The following OR56A3 variants were observed in gnomAD, a reference collection of about 807,000 sequenced individuals.
The protein encoded by OR56A3 is olfactory receptor 56A3.
Under a neutral mutation model 17.5 loss-of-function variants are expected in OR56A3, and 23 were observed. The observed-to-expected ratio is 1.32, with a 90% CI of 0.95 to 1.87. OR56A3 has a LOEUF of 1.87. Among genes scored for constraint, OR56A3 ranks in the 40% most tolerant of loss-of-function variants. The pLI, the probability that OR56A3 is intolerant of heterozygous loss-of-function variation, is 0.00. For missense variants in OR56A3, 366 were observed against 380.1 expected, an observed-to-expected ratio of 0.96 and a Z score of 0.31; for synonymous variants, 175 against 150.6, an observed-to-expected ratio of 1.16 and a Z score of -1.19.
the OR56A3 span, chr11:6,002,807 C>T: frequency 1.8e-5 from 29 of 1,613,528 alleles, no homozygotes; most frequent in East Asian, 5.8e-4. Context: ...GCAGGTAGTA[C>T]AGGGGCTGGT....
chr11:5,945,267 G>T (rs758538940), intron 2 of OR56A3, among the ~76,000 whole-genome samples, 185 bp downstream of exon 2: 1 of 152,026 alleles, frequency 6.6e-6, no homozygotes. Context: ...GGGCAAATAC[G>T]TATAATAGAG....
At chr11:5,975,112 A>G in the OR56A3 span, among the ~76,000 whole-genome samples, 1 of 152,232 alleles carries the variant, frequency 6.6e-6, no homozygotes, top group Non-Finnish European at 1.5e-5. Flanking sequence ...ATAAAGAGAG[A>G]GTCCAGATCA....
At chr11:5,992,497 GT>G in the OR56A3 span, among the ~76,000 whole-genome samples, 1 of 152,088 alleles carries the variant, frequency 6.6e-6, no homozygotes, top group Non-Finnish European at 1.5e-5. Context: ...TTGTTCTCCT[GT>G]ATGTTTCTCA....
At chr11:5,967,533 G>A in the OR56A3 span, 1 of 1,487,972 alleles carries the variant, frequency 6.7e-7, no homozygotes, top group Non-Finnish European at 9.1e-7. Context: ...TTCAAGGTCA[G>A]GTTGCATTCA....
chr11:6,000,047 C>T, the OR56A3 span: 2 of 152,130 alleles, frequency 1.3e-5, no homozygotes, highest in African/African-American at 4.8e-5. Context: ...TTGTGGAAGT[C>T]AGTGTGGAGA....
chr11:5,984,552 A>C, the OR56A3 span, among the ~76,000 whole-genome samples: 2 of 152,196 alleles, frequency 1.3e-5, no homozygotes, highest in African/African-American at 4.8e-5. Flanking sequence ...GTTACAATAG[A>C]TGTAATACAT....
the OR56A3 span, among the ~76,000 whole-genome samples, chr11:5,977,216 T>C: frequency 6.6e-6 from 1 of 152,222 alleles, no homozygotes; most frequent in African/African-American, 2.4e-5. Context: ...ATATATTCCT[T>C]TGGATATATA....
chr11:5,970,268 G>A, the OR56A3 span, among the ~76,000 whole-genome samples: 1 of 152,148 alleles, frequency 6.6e-6, no homozygotes, highest in Non-Finnish European at 1.5e-5. Flanking sequence ...GACAAAAAGA[G>A]CAAAAGAGGT....
At position 5,947,891 on chromosome 11, in the gene OR56A3, T is replaced by C. The variant is rs370134619; in HGVS notation, c.545T>C (p.Ile182Thr). The change falls in exon 3 of 3, where the codon ATC becomes ACC. Residue 182 changes from isoleucine (I) to threonine (T), a missense_variant. By Grantham distance (89) the Ile-to-Thr change is moderately conservative. Coordinates refer to ENST00000641160, the MANE Select transcript of OR56A3 (RefSeq NM_001003443.3). The stretch of plus-strand genomic sequence containing the variant: ...GGAAGAAATGTCATTGAGAACTGCA[T>C]CTGTGCCAATATGTCTGTTTCCAGA... ...YCGRNVIENC[I>T]CANMSVSRLS... 81 of 1,614,220 alleles carry C rather than the reference T, an allele frequency of 5.0e-5. No homozygotes were observed. The Middle Eastern group carries it at 8.2e-4, about 16-fold the overall frequency.
the OR56A3 span, among the ~76,000 whole-genome samples, chr11:5,981,835 G>T: frequency 6.6e-6 from 1 of 152,092 alleles, no homozygotes; most frequent in African/African-American, 2.4e-5. Flanking sequence ...GAGGCTTTTT[G>T]CTTTTATATT....
chr11:5,961,514 C>A, the OR56A3 span, among the ~76,000 whole-genome samples: 1 of 152,106 alleles, frequency 6.6e-6, no homozygotes, highest in Non-Finnish European at 1.5e-5. Flanking sequence ...AAGGGCGGTG[C>A]AAGATGTGCT....
chr11:5,999,222 C>CA, the OR56A3 span, among the ~76,000 whole-genome samples: 1 of 152,054 alleles, frequency 6.6e-6, no homozygotes, highest in Non-Finnish European at 1.5e-5. Flanking sequence ...GAGGAGGACT[C>CA]AAATTCCATG....
At position 5,948,055 on chromosome 11, in the gene OR56A3, G is replaced by A. The variant is rs763194456; in HGVS notation, c.709G>A (p.Ala237Thr). Residue 237 changes from alanine to threonine, a missense_variant, in exon 3 of 3, where the codon GCC becomes ACC. Transcript: ENST00000641160. ...TGTGCTGAGACTCAAGGCAGAGGGT[G>A]CCGTGGCAAAGGCCCTAAGCACATG... is the stretch of plus-strand genomic sequence containing the variant. The part of the protein sequence containing the change: ...RAVLRLKAEG[A>T]VAKALSTCGS... The A allele has an allele frequency of 2.5e-6, 4 of 1,614,116 alleles. No individual in the cohort carries two copies. In the Admixed American group the frequency reaches 6.7e-5, roughly 27 times the overall value.
chr11:5,962,040 C>A, the OR56A3 span, among the ~76,000 whole-genome samples: 2 of 151,980 alleles, frequency 1.3e-5, no homozygotes, highest in South Asian at 2.1e-4. Context: ...CCATATGTAA[C>A]CTTTATTATG....
chr11:5,942,852 T>C (rs1272633959), intron 1 of OR56A3, among the ~76,000 whole-genome samples: 1 of 152,238 alleles, frequency 6.6e-6, no homozygotes, highest in Non-Finnish European at 1.5e-5. Context: ...TTTACCAAGA[T>C]AGAACCCTAG....
At chr11:5,944,357 C>T (rs1024071463) in intron 1 of OR56A3, among the ~76,000 whole-genome samples, 2 of 152,094 alleles carry the variant, frequency 1.3e-5, no homozygotes, top group Non-Finnish European at 2.9e-5. Context: ...GAATTGGAGC[C>T]TATGAGCTGT....
chr11:6,015,354 T>A, the OR56A3 span, among the ~76,000 whole-genome samples: 3 of 145,376 alleles, frequency 2.1e-5, no homozygotes, highest in South Asian at 6.4e-4. Context: ...TCTAGCTCCA[T>A]CCCTGGTTCA....
chr11:5,968,764 T>C, the OR56A3 span, among the ~76,000 whole-genome samples: 1 of 152,088 alleles, frequency 6.6e-6, no homozygotes. Flanking sequence ...TAAAAAAACC[T>C]CATTAAAACA....
chr11:5,977,583 A>T, the OR56A3 span, among the ~76,000 whole-genome samples: 3 of 152,072 alleles, frequency 2.0e-5, no homozygotes, highest in Non-Finnish European at 4.4e-5. Context: ...TTGTTGATTC[A>T]TTTAAGTTTC....
Sources: gnomAD v4.1 joint callset for allele counts (sites outside exome capture counted in the v4.1 genomes callset) on GRCh38, gnomAD v4.1.1 for gene constraint, MANE v1.5 for transcripts, NCBI Gene and HGNC (gene_info 2026-07-23, HGNC 2026-07-21) for gene names.